PTPRT: variants seen among roughly 807,000 people sequenced by gnomAD.
The protein encoded by PTPRT is protein tyrosine phosphatase receptor type T.
In PTPRT, 56 loss-of-function variants were observed where a neutral mutation model predicts 176.8. That is an observed-to-expected ratio of 0.32 (90% confidence interval 0.26 to 0.40). The LOEUF (loss-of-function observed/expected upper bound fraction) is 0.40, where lower values mean the gene tolerates loss of function less well. Ranked by LOEUF, PTPRT falls within the 10% of genes least tolerant of loss-of-function variation. PTPRT has a pLI of 1.00. For missense variants in PTPRT, 1,540 were observed against 1,908.2 expected (o/e 0.81, Z 3.60); for synonymous variants, 783 against 739.0 (o/e 1.06, Z -0.96).
intron 1 of PTPRT, among the ~76,000 whole-genome samples, chr20:42,899,686 C>A (rs1159370902): frequency 6.6e-6 from 1 of 152,186 alleles, no homozygotes; most frequent in African/African-American, 2.4e-5. Flanking sequence ...TCACTAGACT[C>A]ATCAAAGAGC....
chr20:42,125,785 C>T (rs2146350891), intron 19 of PTPRT, among the ~76,000 whole-genome samples: 1 of 152,292 alleles, frequency 6.6e-6, no homozygotes, highest in Middle Eastern at 3.4e-3. Context: ...GATGCTCATT[C>T]AACTTTGGAG....
chr20:42,604,467 G>C (rs1205024397), intron 7 of PTPRT, among the ~76,000 whole-genome samples: 2 of 152,280 alleles, frequency 1.3e-5, no homozygotes, highest in South Asian at 2.1e-4. Flanking sequence ...TTAAAGAAGA[G>C]AGTCCATAAT....
intron 1 of PTPRT, among the ~76,000 whole-genome samples, chr20:42,976,782 T>C (rs1982980857): frequency 6.6e-6 from 1 of 152,238 alleles, no homozygotes; most frequent in African/African-American, 2.4e-5. Context: ...TTAAAGGCTC[T>C]TGATATTTCT....
intron 2 of PTPRT, among the ~76,000 whole-genome samples, chr20:42,828,240 T>C (rs1232737150): frequency 6.6e-6 from 1 of 152,228 alleles, no homozygotes; most frequent in Non-Finnish European, 1.5e-5. Context: ...ACTTTTGTTA[T>C]GCTTTAGCAA....
At chr20:42,107,577 A>G (rs1173815516) in intron 23 of PTPRT, among the ~76,000 whole-genome samples, 13 of 152,230 alleles carry the variant, frequency 8.5e-5, no homozygotes, top group South Asian at 2.1e-4. Flanking sequence ...ACGAGACTCT[A>G]TGGGCCTTGG....
intron 1 of PTPRT, among the ~76,000 whole-genome samples, chr20:43,081,564 C>T (rs1037243294): frequency 1.3e-5 from 2 of 152,110 alleles, no homozygotes; most frequent in African/African-American, 2.4e-5. Flanking sequence ...TTTCAAAGAA[C>T]ATTTGGTTAT....
At chr20:42,990,115 G>A (rs745513033) in intron 1 of PTPRT, among the ~76,000 whole-genome samples, 3 of 152,186 alleles carry the variant, frequency 2.0e-5, no homozygotes, top group Non-Finnish European at 4.4e-5. Flanking sequence ...CCGTTTCAAA[G>A]AGATATTAAA....
chr20:42,706,205 G>A (rs938459499), intron 6 of PTPRT, among the ~76,000 whole-genome samples: 1 of 150,688 alleles, frequency 6.6e-6, no homozygotes, highest in Non-Finnish European at 1.5e-5. Flanking sequence ...GTGTGTGTGT[G>A]TGTGTGTGTG....
chr20:43,101,723 G>C (rs755354218), intron 1 of PTPRT, among the ~76,000 whole-genome samples: 1 of 152,150 alleles, frequency 6.6e-6, no homozygotes, highest in Admixed American at 6.5e-5. Flanking sequence ...TAAGAGTTCT[G>C]GGTCTGATTA....
intron 15 of PTPRT, among the ~76,000 whole-genome samples, chr20:42,210,325 G>C (rs972502032): frequency 6.6e-6 from 1 of 152,002 alleles, no homozygotes; most frequent in Admixed American, 6.5e-5. Flanking sequence ...AGGAAATAAA[G>C]GGTATTCAAT....
intron 4 of PTPRT, among the ~76,000 whole-genome samples, chr20:42,776,210 C>T (rs890164658): frequency 5.3e-5 from 8 of 152,206 alleles, no homozygotes; most frequent in African/African-American, 9.7e-5. Flanking sequence ...CCTCTATCCA[C>T]CTCTATGCTC....
At chr20:42,974,311 T>C (rs1337779281) in intron 1 of PTPRT, among the ~76,000 whole-genome samples, 1 of 152,210 alleles carries the variant, frequency 6.6e-6, no homozygotes, top group Non-Finnish European at 1.5e-5. Flanking sequence ...CAACTACAGC[T>C]AAGCCACATC....
intron 12 of PTPRT, among the ~76,000 whole-genome samples, chr20:42,298,229 G>C (rs1218019611): frequency 6.6e-6 from 1 of 152,108 alleles, no homozygotes; most frequent in African/African-American, 2.4e-5. Context: ...CATAAAAATG[G>C]CTATTAAGTA....
At chr20:42,522,113 A>G (rs2072187922) in intron 7 of PTPRT, among the ~76,000 whole-genome samples, 1 of 150,414 alleles carries the variant, frequency 6.6e-6, no homozygotes, top group South Asian at 2.1e-4. Flanking sequence ...ATTCCAGTAT[A>G]ATGATTTTCT....
intron 18 of PTPRT, among the ~76,000 whole-genome samples, chr20:42,138,996 T>C (rs1988502500): frequency 6.6e-6 from 1 of 152,200 alleles, no homozygotes; most frequent in South Asian, 2.1e-4. Context: ...GCCAAGAATA[T>C]TTCTATTTAT....
intron 11 of PTPRT, among the ~76,000 whole-genome samples, chr20:42,334,836 A>C (rs1376680459): frequency 6.6e-6 from 1 of 152,246 alleles, no homozygotes; most frequent in Admixed American, 6.5e-5. Context: ...TTGTTATTTG[A>C]GAACTGCAAT....
At chr20:42,694,522 G>A (rs1381145541) in intron 6 of PTPRT, among the ~76,000 whole-genome samples, 1 of 152,148 alleles carries the variant, frequency 6.6e-6, no homozygotes, top group Non-Finnish European at 1.5e-5. Flanking sequence ...TTATGTATAG[G>A]TTTTTGTGTG....
rs2146311604 is a variant in PTPRT at position 42,115,244 on chromosome 20, T to C, written c.3054A>G (p.Thr1018=). 6.2e-7 allele frequency: 1 copy of C among 1,614,208 alleles called. No individual in the cohort carries two copies. The highest frequency in any genetic ancestry group is 1.3e-5 in the African/African-American group (1 of 75,054). ...YGDIKVTLIE[T]EPLAEYVIRT... is the part of the protein sequence containing the mutation. ...GTATGACGTATTCTGCCAGGGGCTC[T>C]GTTTCAATCAGGGTGACTTTAATGT... Residue 1018 remains threonine (T), a synonymous_variant, in exon 22 of 31, where the codon ACA becomes ACG. Transcript: ENST00000373187.
chr20:42,120,084 C>G (rs1313498312), intron 19 of PTPRT, 113 bp from the exon 20 acceptor site: 3 of 900,480 alleles, frequency 3.3e-6, no homozygotes, highest in Non-Finnish European at 5.1e-6. Flanking sequence ...AAAATGAGAA[C>G]AGCATCAGTT....
Sources: gnomAD v4.1 joint callset for allele counts (sites outside exome capture counted in the v4.1 genomes callset) on GRCh38, gnomAD v4.1.1 for gene constraint, MANE v1.5 for transcripts, NCBI Gene and HGNC (gene_info 2026-07-23, HGNC 2026-07-21) for gene names.